Variants in FAM178B observed in about 807,000 individuals in gnomAD.
FAM178B encodes family with sequence similarity 178 member B, also known as protein FAM178B.
FAM178B carries 82 observed loss-of-function variants against 91.7 expected under a neutral mutation model. That is an observed-to-expected ratio of 0.89 (90% CI 0.75 to 1.07). The LOEUF is 1.07. Ranked by LOEUF, FAM178B falls within the 50% of genes least tolerant of loss-of-function variation. The probability of loss-of-function intolerance (pLI) is 0.00; values close to 1 mark genes in which losing one functional copy is unlikely to be tolerated. For missense variants in FAM178B, 769 were observed against 846.7 expected, an observed-to-expected ratio of 0.91 and a Z score of 1.14; for synonymous variants, 368 against 359.4, an observed-to-expected ratio of 1.02 and a Z score of -0.27.
chr2:96,896,905 C>A (rs2080835592), intron 13 of FAM178B, among the ~76,000 whole-genome samples: 1 of 152,114 alleles, frequency 6.6e-6, no homozygotes, highest in Non-Finnish European at 1.5e-5. Context: ...CTTGCTCCGT[C>A]CCCCAGGCTG....
intron 12 of FAM178B, among the ~76,000 whole-genome samples, chr2:96,907,689 C>T (rs7572852): frequency 0.3 from 45,321 of 152,230 alleles, 11,932 homozygotes; most frequent in African/African-American, 0.71. Flanking sequence ...CGCAGCAGGG[C>T]CAGAAGTGGA....
At chr2:96,936,554 G>C (rs2081635420) in intron 8 of FAM178B, among the ~76,000 whole-genome samples, 1 of 147,604 alleles carries the variant, frequency 6.8e-6, no homozygotes. Context: ...CTGTCCCCCA[G>C]GCTGGAGTGC....
At chr2:96,950,181 C>CA (rs1421809615) in intron 7 of FAM178B, 15 of 985,356 alleles carry the variant, frequency 1.5e-5, no homozygotes, top group African/African-American at 7.0e-5. Context: ...GGTGCCGTCT[C>CA]AGATGGGTCC....
chr2:96,976,560 C>T (rs548825808), intron 1 of FAM178B, among the ~76,000 whole-genome samples: 2 of 151,866 alleles, frequency 1.3e-5, no homozygotes, highest in African/African-American at 4.8e-5. Context: ...AAAGTGAAAA[C>T]AGGGCTAGGC....
chr2:96,955,467 C>T (rs1449431292), intron 6 of FAM178B, among the ~76,000 whole-genome samples: 5 of 151,378 alleles, frequency 3.3e-5, no homozygotes, highest in Non-Finnish European at 5.9e-5. Context: ...GCCAAGATTG[C>T]GCCACTGCAC....
chr2:96,985,859 C>T (rs945658842), intron 1 of FAM178B, among the ~76,000 whole-genome samples: 5 of 152,218 alleles, frequency 3.3e-5, no homozygotes, highest in African/African-American at 1.2e-4. Flanking sequence ...ATCATAAACT[C>T]CACATCCATC....
intron 14 of FAM178B, among the ~76,000 whole-genome samples, chr2:96,888,964 A>C (rs1034693123): frequency 1.3e-5 from 2 of 152,182 alleles, no homozygotes; most frequent in Non-Finnish European, 2.9e-5. Context: ...AGGCCTCAGG[A>C]GCATGAGCTG....
intron 12 of FAM178B, among the ~76,000 whole-genome samples, chr2:96,909,131 A>C (rs2081106757): frequency 1.3e-5 from 2 of 150,102 alleles, no homozygotes; most frequent in African/African-American, 4.9e-5. Context: ...CGACAGATCA[A>C]GACTCTGTCT....
At chr2:96,953,594 T>TG (rs2081958671) in intron 6 of FAM178B, among the ~76,000 whole-genome samples, 1 of 152,282 alleles carries the variant, frequency 6.6e-6, no homozygotes, top group Non-Finnish European at 1.5e-5. Flanking sequence ...GATTGGCCTC[T>TG]GAGTTCATTG....
rs190240024 is a variant in FAM178B, at chr2:96,919,128, G to A, written c.1562+2037C>T. Among the ~76,000 whole-genome samples the A allele has an allele frequency of 4.6e-3, 702 of 152,312 alleles. 7 individuals carry two copies. Among genetic ancestry groups the A allele is most frequent in the Non-Finnish European group, 5.5e-3 (374 of 68,032 alleles). ...GGTGTCTGAGGGGTTCTGGACTGTGGTCGCCCTGCTACATTAGGAGACTAC... is the reference window on the plus strand; with the variant it reads ...GGTGTCTGAGGGGTTCTGGACTGTGATCGCCCTGCTACATTAGGAGACTAC... On this transcript the variant is annotated intron_variant, in intron 12 of 16. Transcript: ENST00000490605.
chr2:96,950,063 G>C, intron 7 of FAM178B: 9 of 985,748 alleles, frequency 9.1e-6, no homozygotes, highest in Non-Finnish European at 1.1e-5. Flanking sequence ...GGCAGGGGAA[G>C]GCTCGTCTGT....
In FAM178B at chr2:96,902,619, C is replaced by G; in HGVS notation, c.1650+1G>C. ...TGCCCAGGCCTGAAGCAAACACTCA[C>G]CTGGGTCTTCTCTTGCCAGAGAGGG... On this transcript the variant is annotated splice_donor_variant, in intron 13 of 16. Transcript: ENST00000490605. LOFTEE classifies it high-confidence loss of function. 1 of 1,549,586 alleles carries G rather than the reference C, an allele frequency of 6.5e-7. No individual in the cohort carries two copies. The highest frequency in any genetic ancestry group is 1.2e-5 in the South Asian group (1 of 84,012).
At position 96,879,834 on chromosome 2, in the gene FAM178B, C is replaced by T. The variant is rs572616055; in HGVS notation, c.1777-1341G>A. The stretch of plus-strand genomic sequence containing the variant: ...CCCTCTGCCTGCCGGGTCCCTGCAG[C>T]GGCCTGTGGACGCCCGAGTTGCCCG... On this transcript the variant is annotated intron_variant, in intron 14 of 16. Coordinates refer to ENST00000490605, the MANE Select transcript of FAM178B (RefSeq NM_001122646.3). Among the ~76,000 whole-genome samples, 82 of 152,252 alleles carry T rather than the reference C, an allele frequency of 5.4e-4. 1 individual carries two copies. The highest frequency in any genetic ancestry group is 1.1e-3 in the Non-Finnish European group (73 of 68,044).
chr2:96,949,917 G>A (rs1428227137), intron 7 of FAM178B: 1 of 942,766 alleles, frequency 1.1e-6, no homozygotes, highest in Non-Finnish European at 1.3e-6. Context: ...CTGATGCTAA[G>A]AAACCTGTCT....
chr2:96,974,898 C>G (rs556783839), intron 1 of FAM178B, among the ~76,000 whole-genome samples: 17 of 152,064 alleles, frequency 1.1e-4, no homozygotes, highest in African/African-American at 4.1e-4. Context: ...CGAGACCAGC[C>G]TGGCCAACAT....
chr2:96,936,362 C>T (rs1253359957), intron 8 of FAM178B, among the ~76,000 whole-genome samples: 17 of 107,356 alleles, frequency 1.6e-4, no homozygotes, highest in African/African-American at 3.9e-4. Context: ...CCACCACGCC[C>T]GGCTAAGTTT....
intron 16 of FAM178B, among the ~76,000 whole-genome samples, chr2:96,876,806 T>C (rs371129872): frequency 6.6e-6 from 1 of 151,896 alleles, no homozygotes; most frequent in South Asian, 2.1e-4. Context: ...TGCCCCTCCA[T>C]AGAGGACTGG....
chr2:96,905,860 ATTTTTTTTTTTTTTTTTT>A (rs1161397180), intron 12 of FAM178B, among the ~76,000 whole-genome samples: 1 of 23,262 alleles, frequency 4.3e-5, no homozygotes, highest in Non-Finnish European at 6.7e-5. Flanking sequence ...ATATATATAT[ATTTTTTTTTTTTTTTTTT>A]TTTTTTTTTT....
chr2:96,907,048 G>C (rs954140321), intron 12 of FAM178B, among the ~76,000 whole-genome samples: 3 of 152,142 alleles, frequency 2.0e-5, no homozygotes, highest in Non-Finnish European at 4.4e-5. Flanking sequence ...GGCAGGGTGG[G>C]TCAGGATGGG....
Sources: allele counts gnomAD v4.1 joint callset (sites outside exome capture counted in the v4.1 genomes callset), GRCh38; gene constraint gnomAD v4.1.1; transcripts MANE v1.5; gene names NCBI Gene and HGNC (gene_info 2026-07-23, HGNC 2026-07-21).